The following KIF26B variants were observed in gnomAD, a reference collection of about 807,000 sequenced individuals.
KIF26B encodes the protein kinesin-like protein KIF26B.
KIF26B carries 63 observed loss-of-function variants against 151.2 expected under a neutral mutation model. That is an observed-to-expected ratio of 0.42 (90% CI 0.34 to 0.51). KIF26B has a LOEUF of 0.51. KIF26B is among the 20% of genes least tolerant of loss of function. The pLI is 0.07. For missense variants in KIF26B, 2,813 were observed against 2,913.6 expected, an observed-to-expected ratio of 0.97 and a Z score of 0.79; for synonymous variants, 1,357 against 1,262.1, an observed-to-expected ratio of 1.08 and a Z score of -1.59.
chr1:245,641,198 A>C (rs1009878462), intron 9 of KIF26B, among the ~76,000 whole-genome samples: 1 of 151,954 alleles, frequency 6.6e-6, no homozygotes, highest in South Asian at 2.1e-4. Flanking sequence ...GTCTGCTGCC[A>C]GGTGTATTTG....
intron 3 of KIF26B, among the ~76,000 whole-genome samples, chr1:245,419,349 G>A (rs1018724315): frequency 2.0e-5 from 3 of 152,188 alleles, no homozygotes; most frequent in Admixed American, 1.3e-4. Flanking sequence ...AACTTACAAT[G>A]TCGGGGGATA....
Position 245,612,105 on chromosome 1 carries a change from T to TGTGAGA in KIF26B, c.2098+130_2098+131insTGAGAG, listed in dbSNP as rs764505406. 1.0e-3 allele frequency: 319 copies of TGTGAGA among 312,432 alleles called. 2 individuals carry two copies. The highest frequency in any genetic ancestry group is 8.5e-3 in the Middle Eastern group (9 of 1,058). The allele number at this position is 312,432 out of a possible 1,614,324, so 19.4% of individuals were successfully genotyped here. On this transcript the variant is annotated intron_variant, in intron 9 of 14. Coordinates refer to ENST00000407071, the MANE Select transcript of KIF26B (RefSeq NM_018012.4). ...GTGTGTGTGTGTGTGTGTGTGTGTG[T>TGTGAGA]GAGAGAGAGAGAGAGAGAGAGAGAG...
rs115359016 is a variant in KIF26B at position 245,607,445 on chromosome 1, C to T, written c.1558-206C>T. 4.5e-3 allele frequency among the ~76,000 whole-genome samples: 683 copies of T among 152,324 alleles called. 7 individuals carry two copies. The highest frequency in any genetic ancestry group is 0.016 in the African/African-American group (665 of 41,558). On this transcript the variant is annotated intron_variant, in intron 6 of 14. Transcript: ENST00000407071. ...ATTAGCAGAAGGGTGGTTTGCAGTG[C>T]ATGTGCATAATGCTCAGGCTTGCAA...
chr1:245,524,561 T>A (rs1252992403), intron 4 of KIF26B, among the ~76,000 whole-genome samples: 2 of 152,240 alleles, frequency 1.3e-5, no homozygotes, highest in Non-Finnish European at 2.9e-5. Flanking sequence ...GTTTATGGAA[T>A]AACATGAGTA....
In KIF26B at chr1:245,635,639, C is replaced by A. The variant is rs181349571; in HGVS notation, c.2099-10482C>A. ...TGATTTCTGCTATTTTTTTTCCTTT[C>A]TGCTATTTTTTTTTCCTTTCTGCTA... On this transcript the variant is annotated intron_variant, in intron 9 of 14. Transcript: ENST00000407071. Among the ~76,000 whole-genome samples the A allele has an allele frequency of 5.1e-3, 765 of 151,402 alleles. 6 individuals are homozygous for A. The highest frequency in any genetic ancestry group is 5.7e-3 in the Non-Finnish European group (384 of 67,788).
intron 2 of KIF26B, among the ~76,000 whole-genome samples, chr1:245,163,779 A>C (rs1217417066): frequency 1.3e-5 from 2 of 152,144 alleles, no homozygotes; most frequent in African/African-American, 4.8e-5. Context: ...TGGAGTCTTC[A>C]CTTTCATTAT....
In KIF26B at chr1:245,155,474, G is replaced by T; in HGVS notation, c.50G>T (p.Gly17Val). Residue 17 changes from glycine (G) to valine (V), a missense_variant, in exon 1 of 15, where the codon GGC becomes GTC. Transcript: ENST00000407071. ...GAGAGGCTTGCGGTCTCCACCAGGG[G>T]CAAGAAATACGGGGTAAGTTGTGAC... Reference protein sequence around the residue: ...NKERLAVSTRGKKYGVNEVCS... With the variant: ...NKERLAVSTRVKKYGVNEVCS... 1 of 1,611,872 alleles carries T rather than the reference G, an allele frequency of 6.2e-7. No individual in the cohort carries two copies. The highest frequency in any genetic ancestry group is 8.5e-7 in the Non-Finnish European group (1 of 1,178,898).
intron 2 of KIF26B, among the ~76,000 whole-genome samples, chr1:245,331,124 G>A (rs1672100870): frequency 1.3e-5 from 2 of 152,022 alleles, no homozygotes; most frequent in Non-Finnish European, 2.9e-5. Flanking sequence ...TATGACGTAG[G>A]GTACGAAGGG....
At chr1:245,403,997 G>T (rs1224160734) in intron 3 of KIF26B, among the ~76,000 whole-genome samples, 1 of 152,130 alleles carries the variant, frequency 6.6e-6, no homozygotes, top group Non-Finnish European at 1.5e-5. Context: ...ATTGATTCCA[G>T]ACTCTGGATC....
rs566433578 is a variant in KIF26B, at chr1:245,304,595, A to G, written c.466-62239A>G. On this transcript the variant is annotated intron_variant, in intron 2 of 14. Transcript: ENST00000407071. ...GTTTGCAGACAAGCCCAAGTCTAAA[A>G]AAAATTCAGATGTAGCCTAATACTG... Among the ~76,000 whole-genome samples the G allele has an allele frequency of 2.3e-4, 35 of 152,314 alleles. No individual in the cohort carries two copies. In the South Asian group the frequency reaches 4.1e-3, roughly 18 times the overall value.
rs570011693 is a variant in KIF26B at position 245,631,283 on chromosome 1, T to C, written c.2099-14838T>C. On this transcript the variant is annotated intron_variant, in intron 9 of 14. Transcript: ENST00000407071. The stretch of plus-strand genomic sequence containing the variant: ...TGGGTTTGTCATATATGACCTTTGC[T>C]ATGCTGAGGCATGTTTTTTCTATGC... Among the ~76,000 whole-genome samples, 141 of 152,344 alleles carry C rather than the reference T, an allele frequency of 9.3e-4. No homozygotes were observed. In the Middle Eastern group the frequency reaches 0.017, roughly 18 times the overall value.
At chr1:245,574,527 G>C (rs985597812) in intron 5 of KIF26B, among the ~76,000 whole-genome samples, 47 of 152,204 alleles carry the variant, frequency 3.1e-4, no homozygotes, top group African/African-American at 1.1e-3. Context: ...GTGTGGCCAG[G>C]CTGGCTGAGC....
At chr1:245,169,233 A>G (rs982365922) in intron 2 of KIF26B, among the ~76,000 whole-genome samples, 6 of 151,870 alleles carry the variant, frequency 4.0e-5, no homozygotes, top group African/African-American at 1.2e-4. Context: ...CCCTCCATGC[A>G]AGCTTGCCTG....
chr1:245,182,020 G>A (rs1157253604), intron 2 of KIF26B, among the ~76,000 whole-genome samples: 1 of 152,136 alleles, frequency 6.6e-6, no homozygotes, highest in Non-Finnish European at 1.5e-5. Context: ...ACGTGTGCGG[G>A]CCTAACTCTT....
intron 2 of KIF26B, among the ~76,000 whole-genome samples, chr1:245,187,419 G>GATGC (rs1243600379): frequency 6.6e-6 from 1 of 152,220 alleles, no homozygotes; most frequent in African/African-American, 2.4e-5. Context: ...TCCAGTGATG[G>GATGC]ATGCATTCAA....
intron 10 of KIF26B, among the ~76,000 whole-genome samples, chr1:245,678,803 C>T (rs1027788329): frequency 1.3e-5 from 2 of 151,924 alleles, no homozygotes; most frequent in East Asian, 1.9e-4. Context: ...GCGGAGGTTG[C>T]CGTGAGCTGA....
At position 245,560,931 on chromosome 1, in the gene KIF26B, G is replaced by A. The variant is rs2042941060; in HGVS notation, c.1350+19981G>A. ...CCTAAGGGGAGCCGTGCTAAGGTGT[G>A]ATACAGGCCATGCCCCTTCTAGCCC... On this transcript the variant is annotated intron_variant, in intron 5 of 14. Coordinates refer to ENST00000407071, the MANE Select transcript of KIF26B (RefSeq NM_018012.4). This position sits in a 1 kb window ranked among gnomAD's most constrained non-coding sequence, Gnocchi z 4.3. 6.6e-6 allele frequency among the ~76,000 whole-genome samples: 1 copy of A among 152,202 alleles called. No homozygotes were observed. The highest frequency in any genetic ancestry group is 1.5e-5 in the Non-Finnish European group (1 of 68,040).
chr1:245,540,633 G>A lies in KIF26B; in HGVS notation c.1167-134G>A, dbSNP rs766590143. 2 of 817,934 alleles carry A rather than the reference G, an allele frequency of 2.4e-6. No individual in the cohort carries two copies. Among genetic ancestry groups the A allele is most frequent in the South Asian group, 1.4e-5 (1 of 73,624 alleles). The allele number at this position is 817,934 out of a possible 1,614,324, so 50.7% of individuals were successfully genotyped here. Reference sequence around the variant, plus strand: ...GTTATAGTAAGGGACTGCTACAGAGGACACTGAGCAGGAGGAGAGAAGGAA... The same window carrying A: ...GTTATAGTAAGGGACTGCTACAGAGAACACTGAGCAGGAGGAGAGAAGGAA... On this transcript the variant is annotated intron_variant, in intron 4 of 14. Transcript: ENST00000407071. This position sits in a 1 kb window ranked among gnomAD's most constrained non-coding sequence, Gnocchi z 4.6.
intron 4 of KIF26B, among the ~76,000 whole-genome samples, chr1:245,426,508 T>C (rs1658653109): frequency 6.6e-6 from 1 of 152,212 alleles, no homozygotes; most frequent in East Asian, 1.9e-4. Context: ...TCTGTCCATC[T>C]CAATCTCTTG....
Sources: gnomAD v4.1 joint callset for allele counts (sites outside exome capture counted in the v4.1 genomes callset) on GRCh38, gnomAD v4.1.1 for gene constraint, Gnocchi (gnomAD v3.1) non-coding constraint, MANE v1.5 for transcripts, NCBI Gene and HGNC (gene_info 2026-07-23, HGNC 2026-07-21) for gene names.